Variants in SORBS2 observed in about 807,000 individuals in gnomAD.
SORBS2 encodes sorbin and SH3 domain-containing protein 2.
A neutral mutation model predicts 97.7 loss-of-function variants in SORBS2; 46 were observed. The ratio of observed to expected loss-of-function variants is 0.47; its 90% CI spans 0.37 to 0.60. The LOEUF (loss-of-function observed/expected upper bound fraction) is 0.60. SORBS2 is among the 20% of genes least tolerant of loss of function. The pLI is 0.00. For missense variants in SORBS2, 1,316 were observed against 1,282.3 expected (o/e 1.03, Z -0.40); for synonymous variants, 476 against 473.4 (o/e 1.01, Z -0.07).
At chr4:185,911,281 G>T (rs896033733) in intron 1 of SORBS2, among the ~76,000 whole-genome samples, 3 of 152,152 alleles carry the variant, frequency 2.0e-5, no homozygotes, top group African/African-American at 7.2e-5. Flanking sequence ...AGGCTGGAGT[G>T]CAGTGGCATG....
chr4:185,744,106 C>A (rs1041545144), intron 2 of SORBS2, among the ~76,000 whole-genome samples: 2 of 142,776 alleles, frequency 1.4e-5, no homozygotes, highest in African/African-American at 5.2e-5. Context: ...TTTCTCTTCT[C>A]CCCCTCCTCC....
At position 185,834,129 on chromosome 4, in the gene SORBS2, G is replaced by A. The variant is rs528163438; in HGVS notation, c.-337-58763C>T. 4.6e-5 allele frequency among the ~76,000 whole-genome samples: 7 copies of A among 152,232 alleles called. No homozygotes were observed. The East Asian group carries it at 5.8e-4, about 13-fold the overall frequency. ...TATACACCTGTATTAGTCAATTCTC[G>A]TGCTGCTGTAGAGAGGTTTAATTGG... is the stretch of plus-strand genomic sequence containing the variant. On this transcript the variant is annotated intron_variant, in intron 1 of 20. Coordinates refer to the SORBS2 transcript ENST00000284776.
chr4:185,623,031 T>C lies in SORBS2; in HGVS notation c.2098A>G (p.Ile700Val). 2 of 1,614,054 alleles carry C rather than the reference T, an allele frequency of 1.2e-6. No individual in the cohort carries two copies. The highest frequency in any genetic ancestry group is 2.2e-5 in the East Asian group (1 of 44,848). ...TCATTCTGGTAGGGTGGACAATGAA[T>C]AGCACCATCGGGAGGCAGTGGGTGG... The change falls in exon 7 of 15, where the codon ATT becomes GTT. Residue 700 changes from isoleucine (I) to valine (V), a missense_variant. Coordinates refer to ENST00000418609, the Ensembl canonical transcript of SORBS2. This position sits in a 1 kb window ranked among gnomAD's most constrained non-coding sequence, Gnocchi z 6.4.
intron 4 of SORBS2, 113 bp from the exon 8 acceptor site, chr4:185,662,355 G>T (rs2097534923): frequency 1.9e-6 from 2 of 1,077,740 alleles, no homozygotes; most frequent in Admixed American, 2.7e-5. Context: ...CAGCTGCCAA[G>T]CTCTTATTTA....
At position 185,598,706 on chromosome 4, in the gene SORBS2, C is replaced by T. The variant is rs528053718; in HGVS notation, c.2797-4771G>A. On this transcript the variant is annotated intron_variant, in intron 12 of 14. Coordinates refer to ENST00000418609, the Ensembl canonical transcript of SORBS2. ...GTTGTCATATTTGCCCACCAGAATT[C>T]GATGAAATTCTCCTAATAATACCAC... is the stretch of plus-strand genomic sequence containing the variant. 3.9e-5 allele frequency among the ~76,000 whole-genome samples: 6 copies of T among 152,138 alleles called. No homozygotes were observed. The South Asian group carries it at 6.2e-4, about 16-fold the overall frequency.
intron 11 of SORBS2, among the ~76,000 whole-genome samples, chr4:185,612,470 C>A (rs1362291879): frequency 6.6e-6 from 1 of 151,290 alleles, no homozygotes; most frequent in Admixed American, 6.6e-5. Context: ...GAATGGTACA[C>A]CGTTTTCTTT....
chr4:185,786,193 G>A (rs566568861), intron 1 of SORBS2, among the ~76,000 whole-genome samples: 2 of 152,144 alleles, frequency 1.3e-5, no homozygotes, highest in Admixed American at 6.5e-5. Flanking sequence ...ACATGGGACT[G>A]TCAAACAACT....
At chr4:185,839,606 G>C (rs1168057556) in intron 1 of SORBS2, among the ~76,000 whole-genome samples, 4 of 152,206 alleles carry the variant, frequency 2.6e-5, no homozygotes, top group African/African-American at 9.6e-5. Flanking sequence ...CAAGCTTTAT[G>C]TGCTTGTAAT....
At chr4:185,751,230 T>C (rs933558041) in intron 2 of SORBS2, among the ~76,000 whole-genome samples, 1 of 128,530 alleles carries the variant, frequency 7.8e-6, no homozygotes. Flanking sequence ...CCAGGTAGGA[T>C]TGAGGTAAAG....
At chr4:185,721,043 CA>C (rs533737238) in intron 2 of SORBS2, among the ~76,000 whole-genome samples, 25 of 148,362 alleles carry the variant, frequency 1.7e-4, no homozygotes, top group African/African-American at 5.5e-4. Context: ...CCACAAAGTA[CA>C]ACTGTGAGCC....
Position 185,615,513 on chromosome 4 carries a change from A to ATT in SORBS2, c.2352-356_2352-355dup, listed in dbSNP as rs544439736. Among the ~76,000 whole-genome samples the ATT allele has an allele frequency of 3.7e-3, 535 of 143,280 alleles. 3 individuals are homozygous for ATT. The highest frequency in any genetic ancestry group is 0.012 in the African/African-American group (463 of 39,360). The allele number at this position is 143,280 out of a possible 152,430, so 94.0% of individuals were successfully genotyped here. ...AAAATGATGGAATAGTTCTGCACTG[A>ATT]TTTTTTTTTTTTTTGTCCTGAAGCT... On this transcript the variant is annotated intron_variant, in intron 9 of 14. Transcript: ENST00000418609.
Position 185,593,955 on chromosome 4 carries a change from A to G in SORBS2, c.2797-20T>C, listed in dbSNP as rs370086909. ...CTGTGGCTGAAATGAAATGATTTTC[A>G]ATGTAATCAATGTTTAAACTGGTAC... On this transcript the variant is annotated intron_variant, in intron 12 of 14. Transcript: ENST00000418609. 1 of 1,545,246 alleles carries G rather than the reference A, an allele frequency of 6.5e-7. No individual in the cohort carries two copies. The highest frequency in any genetic ancestry group is 1.4e-5 in the African/African-American group (1 of 73,672).
intron 1 of SORBS2, among the ~76,000 whole-genome samples, chr4:185,827,104 A>G (rs2099200529): frequency 6.9e-6 from 1 of 145,316 alleles, no homozygotes; most frequent in Admixed American, 6.9e-5. Context: ...CATCATCACC[A>G]TCATCGCCAT....
At chr4:185,622,057 T>A (rs2096727958) in intron 7 of SORBS2, among the ~76,000 whole-genome samples, 1 of 152,240 alleles carries the variant, frequency 6.6e-6, no homozygotes, top group African/African-American at 2.4e-5. Context: ...GCTGTAAGAA[T>A]TAATGAAAAT....
intron 13 of SORBS2, chr4:185,591,899 A>AATT (rs1483860075): frequency 6.6e-6 from 1 of 152,232 alleles, no homozygotes; most frequent in Non-Finnish European, 1.5e-5. Context: ...ATTCTGGTTT[A>AATT]ATTAGACCAC....
intron 1 of SORBS2, among the ~76,000 whole-genome samples, chr4:185,879,165 T>TCCCC (rs1224668040): frequency 8.6e-4 from 49 of 57,156 alleles, no homozygotes; most frequent in Middle Eastern, 9.3e-3. Flanking sequence ...ATGCTATCCC[T>TCCCC]CCCCCCCCCC....
intron 2 of SORBS2, among the ~76,000 whole-genome samples, chr4:185,721,529 G>C (rs898551217): frequency 3.9e-5 from 6 of 152,160 alleles, no homozygotes; most frequent in Non-Finnish European, 8.8e-5. Flanking sequence ...AAACTTCCTG[G>C]AGCAGCCCAA....
intron 1 of SORBS2, among the ~76,000 whole-genome samples, chr4:185,847,106 A>C (rs559108693): frequency 6.8e-4 from 104 of 152,268 alleles, no homozygotes; most frequent in African/African-American, 2.5e-3. Context: ...TTCTGTCCCC[A>C]AAACTTACAC....
At chr4:185,868,147 C>CTTTTTTCTTTTTTTTTTTTTTTTTTTTT (rs1554043746) in intron 1 of SORBS2, among the ~76,000 whole-genome samples, 3 of 89,764 alleles carry the variant, frequency 3.3e-5, no homozygotes, top group Non-Finnish European at 2.2e-5. Flanking sequence ...CTTTTCTTTT[C>CTTTTTTCTTTTTTTTTTTTTTTTTTTTT]TTTTTTTCTT....
Sources: allele counts gnomAD v4.1 joint callset (sites outside exome capture counted in the v4.1 genomes callset), GRCh38; gene constraint gnomAD v4.1.1; non-coding constraint Gnocchi (gnomAD v3.1); transcripts MANE v1.5; gene names NCBI Gene and HGNC (gene_info 2026-07-23, HGNC 2026-07-21).